The following SCARB1 variants were observed in gnomAD, a reference collection of about 807,000 sequenced individuals.
SCARB1 encodes CD36 and LIMPII analogous 1.
In SCARB1, 30 loss-of-function variants were observed where a neutral mutation model predicts 57.2. That is an observed-to-expected ratio of 0.52 (90% CI 0.39 to 0.71). The LOEUF (loss-of-function observed/expected upper bound fraction) is 0.71. SCARB1 is among the 30% of genes least tolerant of loss of function. SCARB1 has a pLI of 0.00. For synonymous variants in SCARB1, 249 were observed against 268.3 expected, an observed-to-expected ratio of 0.93 and a Z score of 0.70; for missense variants, 543 against 671.2, an observed-to-expected ratio of 0.81 and a Z score of 2.11.
At chr12:124,851,231 C>G (rs954657504) in intron 1 of SCARB1, among the ~76,000 whole-genome samples, 1 of 152,150 alleles carries the variant, frequency 6.6e-6, no homozygotes, top group African/African-American at 2.4e-5. Flanking sequence ...GGTGCAGATG[C>G]CATTTATTTT....
chr12:124,845,107 G>T (rs1055694185), intron 1 of SCARB1, among the ~76,000 whole-genome samples: 4 of 152,130 alleles, frequency 2.6e-5, no homozygotes, highest in East Asian at 1.9e-4. Flanking sequence ...GGGCTGAAGA[G>T]CGAGAGGGGT....
intron 1 of SCARB1, among the ~76,000 whole-genome samples, chr12:124,857,516 G>A (rs373204401): frequency 2.6e-5 from 4 of 152,310 alleles, no homozygotes; most frequent in African/African-American, 9.6e-5. Context: ...AAGAGCCTGA[G>A]GCCAGGGCTG....
At chr12:124,854,567 GAGAGGTGATGGTGCCTTGGACC>G (rs1313243745) in intron 1 of SCARB1, among the ~76,000 whole-genome samples, 2 of 152,218 alleles carry the variant, frequency 1.3e-5, no homozygotes, top group Non-Finnish European at 2.9e-5. Context: ...GAATCTGGGG[GAGAGGTGATGGTGCCTTGGACC>G]AGAGGTGATG....
intron 1 of SCARB1, among the ~76,000 whole-genome samples, chr12:124,840,244 G>A (rs978417895): frequency 1.3e-5 from 2 of 151,790 alleles, no homozygotes; most frequent in African/African-American, 4.8e-5. Flanking sequence ...TACAGTCTTG[G>A]CTCACTGCAA....
At chr12:124,806,042 G>A (rs1950312635) in intron 7 of SCARB1, among the ~76,000 whole-genome samples, 1 of 152,024 alleles carries the variant, frequency 6.6e-6, no homozygotes, top group African/African-American at 2.4e-5. Flanking sequence ...ATTTGATTTC[G>A]TTTAAATCAA....
chr12:124,799,688 A>G (rs1462413169), intron 8 of SCARB1, among the ~76,000 whole-genome samples: 3 of 151,996 alleles, frequency 2.0e-5, no homozygotes, highest in Non-Finnish European at 4.4e-5. Context: ...CCACAAGCTG[A>G]AGGAGTGTCC....
In SCARB1 at chr12:124,796,114, C is replaced by T. The variant is rs1434301329; in HGVS notation, c.1129-846G>A. On this transcript the variant is annotated intron_variant, in intron 8 of 12. Transcript: ENST00000261693. The surrounding 1 kb of genome is among the most constrained non-coding windows in gnomAD (Gnocchi z 4.0). ...GACTACAGGTGTGCGCCAGCACACT[C>T]GGCTAATTTTTGTATTTTTAGTAAA... 1.3e-5 allele frequency among the ~76,000 whole-genome samples: 2 copies of T among 152,182 alleles called. No individual in the cohort carries two copies. The highest frequency in any genetic ancestry group is 2.4e-5 in the African/African-American group (1 of 41,436).
At chr12:124,784,438 C>T (rs1949437840) in intron 11 of SCARB1, 1 of 152,274 alleles carries the variant, frequency 6.6e-6, no homozygotes, top group East Asian at 1.9e-4. Flanking sequence ...AGGCTACCAT[C>T]TCACATTGTG....
At chr12:124,815,248 T>C in intron 2 of SCARB1, 134 bp from the exon 3 acceptor site, 1 of 1,028,084 alleles carries the variant, frequency 9.7e-7, no homozygotes, top group South Asian at 1.3e-5. Context: ...CAGCCAAAGC[T>C]GAGCTCGGCC....
At chr12:124,798,481 C>T (rs911720428) in intron 8 of SCARB1, among the ~76,000 whole-genome samples, 2 of 152,018 alleles carry the variant, frequency 1.3e-5, no homozygotes, top group Non-Finnish European at 2.9e-5. Flanking sequence ...GGACACTATG[C>T]GAAGTAAAAT....
rs898914476 is a variant in SCARB1, at chr12:124,817,154, G to A, written c.284+396C>T. 1.3e-5 allele frequency among the ~76,000 whole-genome samples: 2 copies of A among 150,964 alleles called. No homozygotes were observed. Among genetic ancestry groups the A allele is most frequent in the African/African-American group, 4.9e-5 (2 of 41,038 alleles). The stretch of plus-strand genomic sequence containing the variant: ...TGTGTATGTGTATGTGTATGTGTGT[G>A]TATGTATGTGTGTAACTCACACATG... On this transcript the variant is annotated intron_variant, in intron 2 of 12. Coordinates refer to ENST00000261693, the MANE Select transcript of SCARB1 (RefSeq NM_005505.5). The surrounding 1 kb of genome is among the most constrained non-coding windows in gnomAD (Gnocchi z 4.8).
rs1306557558 is a variant in SCARB1, at chr12:124,812,412, G to C, written c.631-447C>G. Among the ~76,000 whole-genome samples the C allele has an allele frequency of 2.0e-5, 3 of 152,230 alleles. No individual in the cohort carries two copies. Among genetic ancestry groups the C allele is most frequent in the Non-Finnish European group, 4.4e-5 (3 of 68,042 alleles). ...AGCCAAGGAGGTATGTGTCAAGACA[G>C]AGCCTCCCTCAGCCTGGATCCCCAA... is the stretch of plus-strand genomic sequence containing the variant. On this transcript the variant is annotated intron_variant, in intron 4 of 12. Transcript: ENST00000261693. The surrounding 1 kb of genome is among the most constrained non-coding windows in gnomAD (Gnocchi z 4.3).
intron 1 of SCARB1, among the ~76,000 whole-genome samples, chr12:124,844,529 G>A (rs1000113702): frequency 2.0e-5 from 3 of 152,156 alleles, no homozygotes; most frequent in South Asian, 2.1e-4. Flanking sequence ...GTATTGGCGC[G>A]GGGGGCAGGG....
At chr12:124,838,919 C>T (rs926651076) in intron 1 of SCARB1, among the ~76,000 whole-genome samples, 20 of 151,830 alleles carry the variant, frequency 1.3e-4, no homozygotes, top group Admixed American at 6.6e-4. Context: ...GGATTACAGG[C>T]GCCTGCCACC....
intron 1 of SCARB1, among the ~76,000 whole-genome samples, chr12:124,856,557 G>C (rs1952639633): frequency 6.6e-6 from 1 of 152,248 alleles, no homozygotes. Flanking sequence ...AGAAGGAGTA[G>C]GAAGTTCAAT....
rs558258489 is a variant in SCARB1 at position 124,818,725 on chromosome 12, A to C, written c.127-1018T>G. 1.8e-3 allele frequency among the ~76,000 whole-genome samples: 134 copies of C among 72,904 alleles called. 1 individual carries two copies. The highest frequency in any genetic ancestry group is 5.4e-3 in the Non-Finnish European group (105 of 19,322). 47.8% of individuals were successfully genotyped at this position (72,904 alleles called of 152,430 possible). A position where few individuals can be genotyped will look rare whatever the true frequency, so the allele number is the denominator to read the frequency against. On this transcript the variant is annotated intron_variant, in intron 1 of 12. Coordinates refer to ENST00000261693, the MANE Select transcript of SCARB1 (RefSeq NM_005505.5). ...CAGTGGCGCGATCTCGGCTCACCGA[A>C]ACCTCCATATTCCGGGTTCAAGCAG... is the stretch of plus-strand genomic sequence containing the variant.
intron 1 of SCARB1, among the ~76,000 whole-genome samples, chr12:124,840,837 G>A (rs12829784): frequency 0.083 from 12,577 of 152,044 alleles, 1,273 homozygotes; most frequent in East Asian, 0.24. Context: ...CCTGGCCCCC[G>A]ACACTCCCTT....
intron 9 of SCARB1, among the ~76,000 whole-genome samples, chr12:124,793,925 G>A (rs146462325): frequency 2.6e-5 from 4 of 152,244 alleles, no homozygotes; most frequent in Admixed American, 1.3e-4. Flanking sequence ...TCCATCAACC[G>A]ATAAATAAAT....
intron 1 of SCARB1, among the ~76,000 whole-genome samples, chr12:124,852,680 C>T (rs1204863521): frequency 6.6e-6 from 1 of 152,250 alleles, no homozygotes; most frequent in African/African-American, 2.4e-5. Flanking sequence ...GGAACTCACA[C>T]AAGTGGATGA....
Sources: gnomAD v4.1 joint callset for allele counts (sites outside exome capture counted in the v4.1 genomes callset) on GRCh38, gnomAD v4.1.1 for gene constraint, Gnocchi (gnomAD v3.1) non-coding constraint, MANE v1.5 for transcripts, NCBI Gene and HGNC (gene_info 2026-07-23, HGNC 2026-07-21) for gene names.